The following MMP26 variants were observed in gnomAD, a reference collection of about 807,000 sequenced individuals.
The protein encoded by MMP26 is matrix metalloproteinase-26.
MMP26 carries 33 observed loss-of-function variants against 31.0 expected under a neutral mutation model. The observed-to-expected ratio is 1.06, with a 90% CI of 0.81 to 1.42. The LOEUF is 1.42. Ranked by LOEUF, MMP26 falls within the 40% of genes most tolerant of loss-of-function variation. The probability of loss-of-function intolerance (pLI) is 0.00; values close to 1 mark genes in which losing one functional copy is unlikely to be tolerated. For missense variants in MMP26, 347 were observed against 316.1 expected (o/e 1.10, Z -0.74); for synonymous variants, 122 against 114.9 (o/e 1.06, Z -0.40).
At chr11:4,972,670 A>G (rs1209612585) in intron 2 of MMP26, among the ~76,000 whole-genome samples, 1 of 151,224 alleles carries the variant, frequency 6.6e-6, no homozygotes, top group African/African-American at 2.5e-5. Context: ...AGACAATATT[A>G]TTTTAATCAT....
intron 2 of MMP26, among the ~76,000 whole-genome samples, chr11:4,799,303 A>G (rs117124110): frequency 0.058 from 8,808 of 152,188 alleles, 394 homozygotes; most frequent in Non-Finnish European, 0.085. Context: ...GGATGCTTGC[A>G]ATCATGGTGG....
intron 1 of MMP26, among the ~76,000 whole-genome samples, chr11:4,721,293 T>A (rs1848008839): frequency 6.6e-6 from 1 of 152,200 alleles, no homozygotes; most frequent in Admixed American, 6.5e-5. Flanking sequence ...CAGTAACTAA[T>A]AACTACAGCC....
chr11:4,762,321 C>A (rs985447264), intron 1 of MMP26, among the ~76,000 whole-genome samples: 1 of 152,126 alleles, frequency 6.6e-6, no homozygotes, highest in Non-Finnish European at 1.5e-5. Context: ...AGGTTAATTA[C>A]ATATAGGAGT....
At chr11:4,882,856 G>A (rs1430561347) in intron 2 of MMP26, 1 of 1,613,410 alleles carries the variant, frequency 6.2e-7, no homozygotes, top group Non-Finnish European at 8.5e-7. Flanking sequence ...GTTTTAATGT[G>A]AGGGGTCTTA....
At chr11:4,920,673 C>T (rs962424164) in intron 2 of MMP26, among the ~76,000 whole-genome samples, 1 of 152,072 alleles carries the variant, frequency 6.6e-6, no homozygotes, top group Non-Finnish European at 1.5e-5. Context: ...GTGTTGTGTG[C>T]AGTTCTGTCA....
intron 2 of MMP26, chr11:4,822,502 T>C: frequency 1.1e-5 from 9 of 841,468 alleles, no homozygotes; most frequent in Non-Finnish European, 1.5e-5. Context: ...TTATGTGACA[T>C]TTATTTAGTC....
At chr11:4,897,404 T>C (rs765303491) in intron 2 of MMP26, among the ~76,000 whole-genome samples, 4 of 148,732 alleles carry the variant, frequency 2.7e-5, no homozygotes, top group Non-Finnish European at 6.0e-5. Context: ...TCCCAAAGTG[T>C]TGGGATTACA....
At chr11:4,852,413 A>G (rs1182887745) in intron 2 of MMP26, among the ~76,000 whole-genome samples, 1 of 152,148 alleles carries the variant, frequency 6.6e-6, no homozygotes. Flanking sequence ...CACATATAGA[A>G]TTTTCTGTGT....
At chr11:4,986,943 C>T (rs1297128950) in intron 2 of MMP26, among the ~76,000 whole-genome samples, 3 of 143,910 alleles carry the variant, frequency 2.1e-5, no homozygotes, top group African/African-American at 5.3e-5. Context: ...CTCTCTCTCT[C>T]TCTCTCTCTC....
At chr11:4,884,769 T>C (rs964624165) in intron 2 of MMP26, among the ~76,000 whole-genome samples, 1 of 152,192 alleles carries the variant, frequency 6.6e-6, no homozygotes, top group African/African-American at 2.4e-5. Flanking sequence ...CAGTATTTTT[T>C]TTCTTTCTTA....
chr11:4,864,786 C>G lies in MMP26; in HGVS notation c.-145+97445C>G, dbSNP rs911751429. Among the ~76,000 whole-genome samples the G allele has an allele frequency of 2.0e-5, 3 of 152,234 alleles. No individual in the cohort carries two copies. The East Asian group carries it at 5.8e-4, about 29-fold the overall frequency. ...ATATCAGGCCTTGACTCCTCCATGT[C>G]TACAGAAACTGATGCCACCACTAGA... On this transcript the variant is annotated intron_variant, in intron 2 of 7. Transcript: ENST00000380390.
chr11:4,915,751 TAAAG>T, intron 2 of MMP26: 1 of 815,176 alleles, frequency 1.2e-6, no homozygotes, highest in Non-Finnish European at 1.9e-6. Flanking sequence ...TGGTGGAAAT[TAAAG>T]AAAAAAAATA....
rs1417974771 is a variant in MMP26, at chr11:4,900,414, A to G, written c.-144-87654A>G. Among the ~76,000 whole-genome samples, 3 of 152,198 alleles carry G rather than the reference A, an allele frequency of 2.0e-5. No individual in the cohort carries two copies. In the East Asian group the frequency reaches 5.8e-4, roughly 29 times the overall value. ...TTTTCTACTCAAGAAGTGATGCTACATTGGGCAGTTAACATTGTTTTCTAT... is the reference window on the plus strand; with the variant it reads ...TTTTCTACTCAAGAAGTGATGCTACGTTGGGCAGTTAACATTGTTTTCTAT... On this transcript the variant is annotated intron_variant, in intron 2 of 7. Coordinates refer to ENST00000380390, the MANE Select transcript of MMP26 (RefSeq NM_021801.5).
chr11:4,905,438 A>C (rs1167324014), intron 2 of MMP26, among the ~76,000 whole-genome samples: 2 of 152,140 alleles, frequency 1.3e-5, no homozygotes, highest in Non-Finnish European at 2.9e-5. Flanking sequence ...TTATCCTCTA[A>C]AAAATCACAA....
chr11:4,733,648 TC>T (rs968663470), intron 1 of MMP26, among the ~76,000 whole-genome samples: 8 of 152,166 alleles, frequency 5.3e-5, no homozygotes, highest in African/African-American at 1.7e-4. Context: ...AGTTTTACCT[TC>T]CTCTTTCCCT....
chr11:4,941,712 A>C (rs966176012), intron 2 of MMP26, among the ~76,000 whole-genome samples: 1 of 151,084 alleles, frequency 6.6e-6, no homozygotes, highest in Non-Finnish European at 1.5e-5. Context: ...AATAATGTTT[A>C]ATCTGTTTGG....
At chr11:4,940,946 C>T (rs982858657) in intron 2 of MMP26, among the ~76,000 whole-genome samples, 6 of 152,218 alleles carry the variant, frequency 3.9e-5, no homozygotes, top group Non-Finnish European at 8.8e-5. Flanking sequence ...ATTATACTCC[C>T]CTGTCTATAG....
At chr11:4,774,796 A>AT (rs1288754904) in intron 2 of MMP26, among the ~76,000 whole-genome samples, 3 of 152,028 alleles carry the variant, frequency 2.0e-5, no homozygotes, top group African/African-American at 7.2e-5. Flanking sequence ...TCATGAGTTA[A>AT]TTTTTGTGTA....
At chr11:4,848,248 C>T in intron 2 of MMP26, 1 of 1,604,788 alleles carries the variant, frequency 6.2e-7, no homozygotes, top group Non-Finnish European at 8.5e-7. Flanking sequence ...CACTGAGCAC[C>T]ACCCACCTTC....
Sources: gnomAD v4.1 joint callset for allele counts (sites outside exome capture counted in the v4.1 genomes callset) on GRCh38, gnomAD v4.1.1 for gene constraint, MANE v1.5 for transcripts, NCBI Gene and HGNC (gene_info 2026-07-23, HGNC 2026-07-21) for gene names.